Variants in FBXO11 observed in about 807,000 individuals in gnomAD.
The protein encoded by FBXO11 is F-box only protein 11.
FBXO11 carries 13 observed loss-of-function variants against 117.0 expected under a neutral mutation model. The ratio of observed to expected loss-of-function variants is 0.11; its 90% CI spans 0.07 to 0.18. The LOEUF (loss-of-function observed/expected upper bound fraction) is 0.18. Among genes scored for constraint, FBXO11 ranks in the 10% least tolerant of loss-of-function variants. The probability of loss-of-function intolerance (pLI) is 1.00; values close to 1 mark genes in which losing one functional copy is unlikely to be tolerated. For synonymous variants in FBXO11, 490 were observed against 380.5 expected, an observed-to-expected ratio of 1.29 and a Z score of -3.35; for missense variants, 767 against 1,164.4, an observed-to-expected ratio of 0.66 and a Z score of 4.97.
intron 1 of FBXO11, among the ~76,000 whole-genome samples, chr2:47,893,228 T>G (rs1677396709): frequency 6.6e-6 from 1 of 152,002 alleles, no homozygotes; most frequent in Non-Finnish European, 1.5e-5. Context: ...AAACAAGCCT[T>G]TATCTTATTA....
At chr2:47,861,174 T>C (rs1373570726) in intron 1 of FBXO11, among the ~76,000 whole-genome samples, 2 of 152,124 alleles carry the variant, frequency 1.3e-5, no homozygotes, top group African/African-American at 4.8e-5. Flanking sequence ...AGTCTTAAAC[T>C]GGGAAGTGTA....
rs751613889 is a variant in FBXO11 at position 47,835,929 on chromosome 2, C to T, written c.660G>A (p.Gln220=). 3 of 1,611,904 alleles carry T rather than the reference C, an allele frequency of 1.9e-6. No homozygotes were observed. The highest frequency in any genetic ancestry group is 2.5e-6 in the Non-Finnish European group (3 of 1,178,366). The change falls in exon 5 of 23, where the codon CAG becomes CAA. Residue 220 remains glutamine, a synonymous_variant. Transcript: ENST00000403359. Reference sequence around the variant, plus strand: ...GATGTTCATACTCTTCTGGATTAATCTGGTAGAATTTTCCAGGTTCAGGAT... The same window carrying T: ...GATGTTCATACTCTTCTGGATTAATTTGGTAGAATTTTCCAGGTTCAGGAT... ...MMHPEPGKFY[Q]INPEEYEHPN... is the part of the protein sequence containing the mutation.
chr2:47,838,188 G>A (rs372549842), intron 4 of FBXO11, among the ~76,000 whole-genome samples: 1 of 151,934 alleles, frequency 6.6e-6, no homozygotes, highest in South Asian at 2.1e-4. Flanking sequence ...AGCTAGGAGC[G>A]TGACACTGCA....
chr2:47,905,447 G>A, intron 1 of FBXO11, 42 bp downstream of exon 1: 1 of 1,204,170 alleles, frequency 8.3e-7, no homozygotes, highest in South Asian at 3.7e-5. Flanking sequence ...CCTTCCCGCG[G>A]TGCCCGGGAA....
chr2:47,872,694 G>C (rs144585386), intron 1 of FBXO11, among the ~76,000 whole-genome samples: 120 of 152,254 alleles, frequency 7.9e-4, no homozygotes, highest in African/African-American at 1.7e-3. Flanking sequence ...ACACAGTAGA[G>C]TTTTCCAGAG....
chr2:47,885,701 G>C (rs956743135), intron 1 of FBXO11, among the ~76,000 whole-genome samples: 1 of 152,154 alleles, frequency 6.6e-6, no homozygotes, highest in Non-Finnish European at 1.5e-5. Context: ...GTAAAGCCTT[G>C]AAGAGAGTGC....
chr2:47,856,703 G>A (rs1379916009), intron 1 of FBXO11, among the ~76,000 whole-genome samples: 2 of 152,146 alleles, frequency 1.3e-5, no homozygotes, highest in African/African-American at 4.8e-5. Flanking sequence ...ATATTCGTAA[G>A]GTGAACATTT....
At chr2:47,840,089 G>A (rs1460426530) in intron 1 of FBXO11, among the ~76,000 whole-genome samples, 5 of 151,660 alleles carry the variant, frequency 3.3e-5, no homozygotes, top group Admixed American at 6.6e-5. Context: ...GACTACAGGC[G>A]CCCGCCACCA....
At chr2:47,846,370 G>C (rs1316178753) in intron 1 of FBXO11, among the ~76,000 whole-genome samples, 1 of 152,216 alleles carries the variant, frequency 6.6e-6, no homozygotes, top group African/African-American at 2.4e-5. Flanking sequence ...AGGAGGATGA[G>C]GCAGGAGAAT....
chr2:47,878,358 T>C (rs2103882015), intron 1 of FBXO11, among the ~76,000 whole-genome samples: 1 of 147,778 alleles, frequency 6.8e-6, no homozygotes, highest in African/African-American at 2.5e-5. Flanking sequence ...CCTTTTGTTC[T>C]TTTTTTTTTC....
rs569367018 is a variant in FBXO11 at position 47,806,922 on chromosome 2, A to G, written c.*1196T>C. On this transcript the variant is annotated 3_prime_UTR_variant, in exon 23 of 23. Coordinates refer to ENST00000403359, the MANE Select transcript of FBXO11 (RefSeq NM_001190274.2). ...AAAGGTGGTAAATTCAGACAACATT[A>G]TGATCTAATAAACTTTATTTTTTAA... The G allele has an allele frequency of 8.3e-7, 1 of 1,204,932 alleles. No individual in the cohort carries two copies. Among genetic ancestry groups the G allele is most frequent in the African/African-American group, 1.5e-5 (1 of 66,556 alleles). 74.6% of individuals were successfully genotyped at this position (1,204,932 alleles called of 1,614,324 possible). A position where few individuals can be genotyped will look rare whatever the true frequency, so the allele number is the denominator to read the frequency against.
intron 1 of FBXO11, among the ~76,000 whole-genome samples, chr2:47,858,411 G>T (rs2103718913): frequency 6.6e-6 from 1 of 151,302 alleles, no homozygotes; most frequent in Non-Finnish European, 1.5e-5. Context: ...GCCAGGCGTG[G>T]TGACTCACGC....
Position 47,806,921 on chromosome 2 carries a change from T to TATGATCTAATA in FBXO11, c.*1186_*1196dup. The TATGATCTAATA allele has an allele frequency of 8.4e-7, 1 of 1,197,064 alleles. No individual in the cohort carries two copies. Among genetic ancestry groups the TATGATCTAATA allele is most frequent in the Non-Finnish European group, 1.2e-6 (1 of 809,912 alleles). 74.2% of individuals were successfully genotyped at this position (1,197,064 alleles called of 1,614,324 possible). A position where few individuals can be genotyped will look rare whatever the true frequency, so the allele number is the denominator to read the frequency against. ...CAAAGGTGGTAAATTCAGACAACAT[T>TATGATCTAATA]ATGATCTAATAAACTTTATTTTTTA... On this transcript the variant is annotated 3_prime_UTR_variant, in exon 23 of 23. Transcript: ENST00000403359.
intron 1 of FBXO11, among the ~76,000 whole-genome samples, chr2:47,877,040 G>T (rs1315483159): frequency 6.7e-6 from 1 of 149,638 alleles, no homozygotes; most frequent in East Asian, 1.9e-4. Context: ...ACTTAATACA[G>T]GGTTTTTTTT....
chr2:47,809,531 T>C (rs1572756926), intron 20 of FBXO11, 69 bp downstream of exon 20: 3 of 1,152,814 alleles, frequency 2.6e-6, no homozygotes, highest in East Asian at 2.4e-5. Context: ...AATCAAGTTA[T>C]AAAACGGCTT....
rs371334662 is a variant in FBXO11, at chr2:47,843,978, G to A, written c.233-4209C>T. Among the ~76,000 whole-genome samples, 3 of 151,832 alleles carry A rather than the reference G, an allele frequency of 2.0e-5. No individual in the cohort carries two copies. In the East Asian group the frequency reaches 5.8e-4, roughly 29 times the overall value. On this transcript the variant is annotated intron_variant, in intron 1 of 22. Coordinates refer to ENST00000403359, the MANE Select transcript of FBXO11 (RefSeq NM_001190274.2). ...ATGGTCTCGAACTCCTGACCTCAAG[G>A]TATCTGCCTGCCTCAGCCTCCCAAA...
At chr2:47,833,375 C>T (rs1280422194) in intron 7 of FBXO11, among the ~76,000 whole-genome samples, 3 of 152,174 alleles carry the variant, frequency 2.0e-5, no homozygotes, top group Non-Finnish European at 1.5e-5. Flanking sequence ...AGCAGCAGCA[C>T]TGGAAACAGA....
chr2:47,820,207 G>T (rs1163584434), intron 14 of FBXO11, among the ~76,000 whole-genome samples, 155 bp downstream of exon 14: 1 of 152,158 alleles, frequency 6.6e-6, no homozygotes, highest in Non-Finnish European at 1.5e-5. Flanking sequence ...TACTGGCAGG[G>T]AGAAGAAGAA....
At chr2:47,849,424 C>T (rs1175032532) in intron 1 of FBXO11, among the ~76,000 whole-genome samples, 1 of 152,138 alleles carries the variant, frequency 6.6e-6, no homozygotes, top group African/African-American at 2.4e-5. Context: ...ATTTTTGCCA[C>T]CACAGGATCA....
Sources: gnomAD v4.1 joint callset for allele counts (sites outside exome capture counted in the v4.1 genomes callset) on GRCh38, gnomAD v4.1.1 for gene constraint, MANE v1.5 for transcripts, NCBI Gene and HGNC (gene_info 2026-07-23, HGNC 2026-07-21) for gene names.